CRPPA: variants seen among roughly 807,000 people sequenced by gnomAD.
CRPPA encodes the protein D-ribitol-5-phosphate cytidylyltransferase.
In CRPPA, 43 loss-of-function variants were observed where a neutral mutation model predicts 52.0. That is an observed-to-expected ratio of 0.83 (90% CI 0.65 to 1.07). The LOEUF (loss-of-function observed/expected upper bound fraction) is 1.07, where lower values mean the gene tolerates loss of function less well. Ranked by LOEUF, CRPPA falls within the 50% of genes least tolerant of loss-of-function variation. The pLI is 0.00. For missense variants in CRPPA, 629 were observed against 551.7 expected (o/e 1.14, Z -1.40); for synonymous variants, 250 against 203.5 (o/e 1.23, Z -1.94).
intron 5 of CRPPA, among the ~76,000 whole-genome samples, chr7:16,284,382 A>G (rs1246411113): frequency 6.6e-6 from 1 of 152,140 alleles, no homozygotes; most frequent in Non-Finnish European, 1.5e-5. Context: ...GATAATGTGT[A>G]AAACTATTTC....
intron 9 of CRPPA, among the ~76,000 whole-genome samples, chr7:16,135,182 C>G (rs889958027): frequency 6.6e-6 from 1 of 152,088 alleles, no homozygotes; most frequent in Non-Finnish European, 1.5e-5. Context: ...CACAACAAAA[C>G]AGAAAAACTT....
intron 8 of CRPPA, among the ~76,000 whole-genome samples, chr7:16,240,135 A>T (rs961519910): frequency 2.0e-5 from 3 of 151,534 alleles, no homozygotes; most frequent in Non-Finnish European, 2.9e-5. Context: ...AACACCGTCA[A>T]TTCTTTCTAT....
At chr7:16,247,972 A>C (rs1012651529) in intron 8 of CRPPA, 1 of 152,102 alleles carries the variant, frequency 6.6e-6, no homozygotes, top group Non-Finnish European at 1.5e-5. Flanking sequence ...AGAGAAAACT[A>C]AATTCAAATA....
intron 3 of CRPPA, among the ~76,000 whole-genome samples, chr7:16,339,110 C>T (rs1345356973): frequency 1.3e-5 from 2 of 152,060 alleles, no homozygotes; most frequent in Non-Finnish European, 2.9e-5. Context: ...CGGCCTCTAG[C>T]AAACTTTTAA....
chr7:16,397,509 T>C (rs1312084299), intron 2 of CRPPA, among the ~76,000 whole-genome samples: 1 of 151,956 alleles, frequency 6.6e-6, no homozygotes, highest in African/African-American at 2.4e-5. Context: ...ACACATAACA[T>C]GTGAACATGT....
intron 9 of CRPPA, among the ~76,000 whole-genome samples, chr7:16,121,453 A>G (rs1463640365): frequency 1.3e-5 from 2 of 152,080 alleles, no homozygotes; most frequent in Admixed American, 1.3e-4. Flanking sequence ...ATGTGAATAC[A>G]GACTAATGAG....
At chr7:16,100,462 T>C (rs1010894461) in intron 9 of CRPPA, among the ~76,000 whole-genome samples, 22 of 152,308 alleles carry the variant, frequency 1.4e-4, no homozygotes, top group African/African-American at 5.1e-4. Flanking sequence ...GGTAAATATT[T>C]ATTAGTTAGA....
intron 6 of CRPPA, among the ~76,000 whole-genome samples, chr7:16,267,668 T>C (rs1783989269): frequency 6.6e-6 from 1 of 152,146 alleles, no homozygotes; most frequent in Admixed American, 6.5e-5. Flanking sequence ...TCAACTTTTT[T>C]CCCTCAAATT....
intron 6 of CRPPA, chr7:16,276,853 C>T (rs371711697): frequency 6.6e-6 from 1 of 152,102 alleles, no homozygotes; most frequent in Non-Finnish European, 1.5e-5. Context: ...TTAAAGCATA[C>T]TAATTCAAAT....
At chr7:16,404,510 A>G (rs73072864) in intron 2 of CRPPA, among the ~76,000 whole-genome samples, 2,831 of 152,192 alleles carry the variant, frequency 0.019, 36 homozygotes, top group Non-Finnish European at 0.026. Flanking sequence ...TTTATGGACA[A>G]TATCTCAGAA....
intron 1 of CRPPA, among the ~76,000 whole-genome samples, chr7:16,414,374 CA>C (rs1788141002): frequency 1.1e-4 from 6 of 54,148 alleles, no homozygotes; most frequent in Admixed American, 3.9e-4. Context: ...CACACACACA[CA>C]CACACACACA....
intron 3 of CRPPA, among the ~76,000 whole-genome samples, chr7:16,347,960 G>C (rs571817094): frequency 1.6e-4 from 25 of 152,216 alleles, no homozygotes; most frequent in African/African-American, 6.0e-4. Context: ...AGCACTTCCA[G>C]GGGCCTCATC....
intron 5 of CRPPA, among the ~76,000 whole-genome samples, chr7:16,286,084 AT>A (rs1241704782): frequency 7.3e-5 from 2 of 27,496 alleles, no homozygotes; most frequent in Non-Finnish European, 1.5e-4. Context: ...TATATATAAT[AT>A]TTAAAAAAAA....
intron 9 of CRPPA, among the ~76,000 whole-genome samples, chr7:16,202,169 T>C (rs1781875405): frequency 6.6e-6 from 1 of 152,172 alleles, no homozygotes; most frequent in Non-Finnish European, 1.5e-5. Flanking sequence ...ATAAACTATC[T>C]CTGAATCCCT....
At chr7:16,097,000 A>T (rs574689365) in intron 9 of CRPPA, among the ~76,000 whole-genome samples, 5 of 152,214 alleles carry the variant, frequency 3.3e-5, no homozygotes, top group Non-Finnish European at 7.4e-5. Flanking sequence ...TTTAAAATTT[A>T]GTTTTAAGAC....
At chr7:16,104,735 CA>C (rs1383309678) in intron 9 of CRPPA, among the ~76,000 whole-genome samples, 9 of 151,816 alleles carry the variant, frequency 5.9e-5, no homozygotes, top group Non-Finnish European at 7.4e-5. Context: ...CCCATCTCTA[CA>C]AAAAATACAA....
At chr7:16,379,448 G>A (rs556246068) in intron 2 of CRPPA, among the ~76,000 whole-genome samples, 3 of 152,076 alleles carry the variant, frequency 2.0e-5, no homozygotes, top group Non-Finnish European at 4.4e-5. Flanking sequence ...TGTTCTTTTG[G>A]CTTAGGATTG....
At chr7:16,237,687 C>T (rs1782988978) in intron 8 of CRPPA, among the ~76,000 whole-genome samples, 1 of 152,128 alleles carries the variant, frequency 6.6e-6, no homozygotes. Flanking sequence ...GTCCTGCATC[C>T]AGGATGTATA....
At chr7:16,309,509 C>T (rs937380305) in intron 3 of CRPPA, among the ~76,000 whole-genome samples, 2 of 152,162 alleles carry the variant, frequency 1.3e-5, no homozygotes, top group African/African-American at 4.8e-5. Context: ...ATGGCTTGAT[C>T]TCCAACAGCA....
Sources: gnomAD v4.1 joint callset for allele counts (sites outside exome capture counted in the v4.1 genomes callset) on GRCh38, gnomAD v4.1.1 for gene constraint, MANE v1.5 for transcripts, NCBI Gene and HGNC (gene_info 2026-07-23, HGNC 2026-07-21) for gene names.